The following ELP1 variants were observed in gnomAD, a reference collection of about 807,000 sequenced individuals.
ELP1 encodes the protein elongator acetyltransferase complex subunit 1, also known as elongator complex protein 1.
ELP1 carries 131 observed loss-of-function variants against 183.2 expected under a neutral mutation model. That is an observed-to-expected ratio of 0.72 (90% CI 0.62 to 0.83). The LOEUF is 0.83. Among genes scored for constraint, ELP1 ranks in the 40% least tolerant of loss-of-function variants. The pLI is 0.00. For missense variants in ELP1, 1,550 were observed against 1,594.9 expected (o/e 0.97, Z 0.48); for synonymous variants, 555 against 569.0 (o/e 0.98, Z 0.35).
In ELP1 at chr9:108,934,075, C is replaced by A; in HGVS notation, c.-267G>T. On this transcript the variant is annotated 5_prime_UTR_variant, in exon 1 of 37. Transcript: ENST00000374647. ...AAAACGCTGAAGCGCTGCAAAGAAG[C>A]CAGCGACTCAATGGGTGCGTCAACT... 1 of 187,476 alleles carries A rather than the reference C, an allele frequency of 5.3e-6. No individual in the cohort carries two copies. Among genetic ancestry groups the A allele is most frequent in the Non-Finnish European group, 1.1e-5 (1 of 89,478 alleles). 11.6% of individuals were successfully genotyped at this position (187,476 alleles called of 1,614,324 possible).
At chr9:108,873,609 G>A (rs1344419680) in intron 36 of ELP1, among the ~76,000 whole-genome samples, 4 of 152,164 alleles carry the variant, frequency 2.6e-5, no homozygotes, top group African/African-American at 9.7e-5. Context: ...TAACCTGAAG[G>A]TCAGCATCAG....
Position 108,891,265 on chromosome 9 carries a change from C to T in ELP1, c.3098G>A (p.Cys1033Tyr), listed in dbSNP as rs767388738. Residue 1033 changes from cysteine to tyrosine, a missense_variant, in exon 28 of 37, where the codon TGT becomes TAT. By Grantham distance (194) the Cys-to-Tyr change is radical (BLOSUM62 -2). Coordinates refer to ENST00000374647, the MANE Select transcript of ELP1 (RefSeq NM_003640.5). ...LTCGNWKQAL[C>Y]VAAQLNFTKD... ...GGTAAAGTTAAGCTGGGCTGCCACACAGAGGGCTTGCTTCCAGTTGCCACA... is the reference window on the plus strand; with the variant it reads ...GGTAAAGTTAAGCTGGGCTGCCACATAGAGGGCTTGCTTCCAGTTGCCACA... 6.2e-7 allele frequency: 1 copy of T among 1,614,236 alleles called. No homozygotes were observed. The highest frequency in any genetic ancestry group is 1.1e-5 in the South Asian group (1 of 91,088).
intron 16 of ELP1, among the ~76,000 whole-genome samples, chr9:108,902,250 T>C: frequency 6.6e-6 from 1 of 152,098 alleles, no homozygotes; most frequent in Non-Finnish European, 1.5e-5. Context: ...CATCACTGCC[T>C]CCGAGAGGCC....
chr9:108,889,877 T>C (rs1275867172), intron 28 of ELP1, among the ~76,000 whole-genome samples: 1 of 152,194 alleles, frequency 6.6e-6, no homozygotes, highest in Non-Finnish European at 1.5e-5. Flanking sequence ...CCAGTGCATA[T>C]ATCACTAAAA....
intron 16 of ELP1, among the ~76,000 whole-genome samples, chr9:108,901,909 C>T (rs560898969): frequency 4.3e-4 from 66 of 152,242 alleles, no homozygotes; most frequent in African/African-American, 1.5e-3. Context: ...ATCTCAAACC[C>T]ATCTCCTTTT....
chr9:108,906,217 T>C (rs944917558), intron 14 of ELP1, 86 bp downstream of exon 14: 132 of 1,310,552 alleles, frequency 1.0e-4, no homozygotes, highest in Non-Finnish European at 1.2e-4. Flanking sequence ...CCTTGATCAA[T>C]AGAAGTCAAA....
chr9:108,911,178 T>C lies in ELP1; in HGVS notation c.1192A>G (p.Arg398Gly). The change falls in exon 12 of 37, where the codon AGG (arginine) becomes GGG (glycine). Residue 398 changes from arginine (R) to glycine (G), a missense_variant and splice_region_variant. By Grantham distance (125) the Arg-to-Gly change is moderately radical. Transcript: ENST00000374647. ...LSNVAVIDGN[R>G]VLVTVFRQTV... The stretch of plus-strand genomic sequence containing the variant: ...TGCCGGAAGACTGTCACCAACACCC[T>C]GTCTGCAGTGAAAAAGAAAGAAGAG... 6.2e-7 allele frequency: 1 copy of C among 1,614,064 alleles called. No homozygotes were observed. The highest frequency in any genetic ancestry group is 8.5e-7 in the Non-Finnish European group (1 of 1,179,974).
chr9:108,933,621 G>C (rs1210402659), intron 1 of ELP1, among the ~76,000 whole-genome samples: 1 of 152,266 alleles, frequency 6.6e-6, no homozygotes, highest in Non-Finnish European at 1.5e-5. Flanking sequence ...AAGCAATCAA[G>C]AGGCTGGGTT....
chr9:108,904,886 T>C (rs1355381805), intron 14 of ELP1, among the ~76,000 whole-genome samples: 2 of 152,206 alleles, frequency 1.3e-5, no homozygotes, highest in Non-Finnish European at 2.9e-5. Context: ...AAACAGTCTT[T>C]TTGAGAAATA....
Position 108,911,144 on chromosome 9 carries a change from A to T in ELP1, c.1226T>A (p.Val409Asp). The T allele has an allele frequency of 6.2e-7, 1 of 1,614,168 alleles. No homozygotes were observed. Among genetic ancestry groups the T allele is most frequent in the Non-Finnish European group, 8.5e-7 (1 of 1,180,028 alleles). ...TTGGTAGGTGCACATGGGAGGCGGAACCACAGTCTGCCGGAAGACTGTCAC... is the reference window on the plus strand; with the variant it reads ...TTGGTAGGTGCACATGGGAGGCGGATCCACAGTCTGCCGGAAGACTGTCAC... The part of the protein sequence containing the change: ...VLVTVFRQTV[V>D]PPPMCTYQLL... Residue 409 changes from valine (V) to aspartate (D), a missense_variant, in exon 12 of 37, where the codon GTT (valine) becomes GAT (aspartate). By Grantham distance (152) the Val-to-Asp change is radical. Coordinates refer to ENST00000374647, the MANE Select transcript of ELP1 (RefSeq NM_003640.5).
intron 35 of ELP1, among the ~76,000 whole-genome samples, 172 bp from the exon 36 acceptor site, chr9:108,875,142 T>C (rs1050988225): frequency 3.3e-5 from 5 of 152,206 alleles, no homozygotes; most frequent in African/African-American, 4.8e-5. Flanking sequence ...TTTCTCCAGC[T>C]GCAACTCAGA....
At chr9:108,930,928 G>T in intron 2 of ELP1, 69 bp downstream of exon 2, 2 of 1,495,988 alleles carry the variant, frequency 1.3e-6, no homozygotes, top group South Asian at 1.1e-5. Flanking sequence ...ACCATGTGGG[G>T]AAAGAAATTT....
At chr9:108,927,820 T>G (rs1478011530) in intron 3 of ELP1, among the ~76,000 whole-genome samples, 9 of 152,156 alleles carry the variant, frequency 5.9e-5, no homozygotes. Context: ...CACTTATTTG[T>G]GCGATCTAAA....
rs1564096412 is a variant in ELP1 at position 108,912,359 on chromosome 9, C to A, written c.1094G>T (p.Gly365Val). 6.2e-7 allele frequency: 1 copy of A among 1,614,162 alleles called. No homozygotes were observed. Among genetic ancestry groups the A allele is most frequent in the Non-Finnish European group, 8.5e-7 (1 of 1,180,042 alleles). ...CCAATCATAGGCGAGGTAATGCCAG[C>A]CCTGACAGAGAACATGCAGCCGGTA... ...TPYRLHVLCQ[G>V]WHYLAYDWHW... Residue 365 changes from glycine (G) to valine (V), a missense_variant, in exon 11 of 37, where the codon GGC (glycine) becomes GTC (valine). Transcript: ENST00000374647.
chr9:108,916,127 AT>A, intron 10 of ELP1, 76 bp downstream of exon 10: 1 of 1,076,362 alleles, frequency 9.3e-7, no homozygotes, highest in Non-Finnish European at 1.5e-6. Context: ...AGTAGAAGGG[AT>A]GAAGGAAATC....
rs1428327725 is a variant in ELP1, at chr9:108,916,268, G to C, written c.894C>G (p.Ser298=). The change falls in exon 10 of 37, where the codon TCC becomes TCG. Residue 298 remains serine (S), a synonymous_variant. Coordinates refer to ENST00000374647, the MANE Select transcript of ELP1 (RefSeq NM_003640.5). ...KVNDLLWNAD[S]SVLAVWLEDL... is the part of the protein sequence containing the mutation. ...CTTCCAGCCAGACTGCAAGCACAGA[G>C]GAATCTGCATTCCAGAGCAAGTCAT... 1.2e-6 allele frequency: 2 copies of C among 1,614,014 alleles called. No homozygotes were observed. The highest frequency in any genetic ancestry group is 8.5e-7 in the Non-Finnish European group (1 of 1,179,980).
chr9:108,919,373 T>G (rs780451220), intron 6 of ELP1, 24 bp from the exon 7 acceptor site: 56 of 1,485,568 alleles, frequency 3.8e-5, no homozygotes, highest in Non-Finnish European at 5.3e-5. Flanking sequence ...CAAACACCAA[T>G]ATTACTGGGG....
Position 108,878,233 on chromosome 9 carries a change from A to G in ELP1, c.3701-84T>C, listed in dbSNP as rs1827776825. 22 of 1,208,426 alleles carry G rather than the reference A, an allele frequency of 1.8e-5. 1 individual carries two copies. In the South Asian group the frequency reaches 2.7e-4, roughly 15 times the overall value. 74.9% of individuals were successfully genotyped at this position (1,208,426 alleles called of 1,614,324 possible). On this transcript the variant is annotated intron_variant, in intron 34 of 36. Transcript: ENST00000374647. ...CATACATAGCTTCTATCCAAAGCCA[A>G]AAATTTCTATGATCCCACTGCAGGT...
chr9:108,873,940 T>C (rs1248365478), intron 36 of ELP1, among the ~76,000 whole-genome samples: 1 of 152,120 alleles, frequency 6.6e-6, no homozygotes, highest in Non-Finnish European at 1.5e-5. Context: ...CTTGCCATTC[T>C]CTAGACAGAA....
Sources: allele counts gnomAD v4.1 joint callset (sites outside exome capture counted in the v4.1 genomes callset), GRCh38; gene constraint gnomAD v4.1.1; transcripts MANE v1.5; gene names NCBI Gene and HGNC (gene_info 2026-07-23, HGNC 2026-07-21).